Variants in MAST1 observed in about 807,000 individuals in gnomAD.
MAST1 encodes microtubule-associated serine/threonine-protein kinase 1.
Under a neutral mutation model 124.6 loss-of-function variants are expected in MAST1, and 40 were observed. That is an observed-to-expected ratio of 0.32 (90% CI 0.25 to 0.42). MAST1 has a LOEUF of 0.42. Ranked by LOEUF, MAST1 falls within the 10% of genes least tolerant of loss-of-function variation. MAST1 has a pLI of 1.00. For synonymous variants in MAST1, 938 were observed against 939.4 expected (o/e 1.00, Z 0.03); for missense variants, 1,558 against 2,181.9 (o/e 0.71, Z 5.70).
Position 12,838,879 on chromosome 19 carries a change from G to A in MAST1, c.83+224G>A, listed in dbSNP as rs981388928. Among the ~76,000 whole-genome samples the A allele has an allele frequency of 1.4e-4, 21 of 151,552 alleles. No individual in the cohort carries two copies. The highest frequency in any genetic ancestry group is 4.8e-4 in the African/African-American group (20 of 41,242). On this transcript the variant is annotated intron_variant, in intron 1 of 25. Coordinates refer to ENST00000251472, the MANE Select transcript of MAST1 (RefSeq NM_014975.3). The surrounding 1 kb of genome is among the most constrained non-coding windows in gnomAD (Gnocchi z 4.3). ...GACGGCCGCGGGGGGAGGGGGCTGCGCCACTGGGGGTTTGTGGCGCCTTTG... is the reference window on the plus strand; with the variant it reads ...GACGGCCGCGGGGGGAGGGGGCTGCACCACTGGGGGTTTGTGGCGCCTTTG...
intron 12 of MAST1, among the ~76,000 whole-genome samples, chr19:12,863,486 C>T (rs1201207270): frequency 6.6e-6 from 1 of 152,156 alleles, no homozygotes; most frequent in African/African-American, 2.4e-5. Context: ...CCAATATTAC[C>T]TTCAGGAATG....
At chr19:12,851,666 A>T (rs1428167884) in intron 7 of MAST1, among the ~76,000 whole-genome samples, 1 of 151,936 alleles carries the variant, frequency 6.6e-6, no homozygotes, top group Non-Finnish European at 1.5e-5. Context: ...TTGCGTTTTT[A>T]GTGGAGATGG....
Position 12,873,943 on chromosome 19 carries a change from G to C in MAST1, c.3786G>C (p.Lys1262Asn), listed in dbSNP as rs1439835558. 1 of 1,594,348 alleles carries C rather than the reference G, an allele frequency of 6.3e-7. No individual in the cohort carries two copies. The highest frequency in any genetic ancestry group is 1.7e-5 in the Admixed American group (1 of 58,950). ...SAEPPRSPLL[K>N]RVQSAEKLGA... The stretch of plus-strand genomic sequence containing the variant: ...AGCCCCCTCGCTCGCCGCTCCTCAA[G>C]CGCGTGCAGTCGGCCGAGAAGCTGG... The change falls in exon 26 of 26, where the codon AAG becomes AAC. Residue 1262 changes from lysine to asparagine, a missense_variant. Physicochemically the swap from Lys to Asn is moderately conservative, Grantham distance 94. Around this residue, in one of 10 missense-constraint regions of MAST1, gnomAD observed 263 missense variants for 310.9 expected, o/e 0.85. Transcript: ENST00000251472.
intron 22 of MAST1, 129 bp from the exon 23 acceptor site, chr19:12,870,695 A>G: frequency 1.0e-6 from 1 of 996,438 alleles, no homozygotes; most frequent in South Asian, 2.7e-5. Context: ...GGGGAGGAAT[A>G]ATAACTATTT....
In MAST1 at chr19:12,865,372, C is replaced by T. The variant is rs1282204427; in HGVS notation, c.1695C>T (p.Gly565=). 1 of 1,611,726 alleles carries T rather than the reference C, an allele frequency of 6.2e-7. No homozygotes were observed. The highest frequency in any genetic ancestry group is 2.2e-5 in the East Asian group (1 of 44,888). The change falls in exon 15 of 26, where the codon GGC becomes GGT. Residue 565 remains glycine, a synonymous_variant. Transcript: ENST00000251472. The surrounding 1 kb of genome is among the most constrained non-coding windows in gnomAD (Gnocchi z 7.1). ...AGGTCATCCTGCGTCAAGGCTACGG[C>T]AAGCCAGTGGACTGGTGGGCTATGG... ...APEVILRQGY[G]KPVDWWAMGI...
intron 1 of MAST1, 100 bp from the exon 2 acceptor site, chr19:12,840,346 G>T: frequency 2.6e-6 from 2 of 757,570 alleles, no homozygotes; most frequent in African/African-American, 3.4e-5. Flanking sequence ...CACATGGATG[G>T]GAGATAGGCG....
rs1969853593 is a variant in MAST1 at position 12,843,309 on chromosome 19, T to TGGGGA, written c.249-217_249-213dup. 6.6e-6 allele frequency among the ~76,000 whole-genome samples: 1 copy of TGGGGA among 151,940 alleles called. No individual in the cohort carries two copies. Among genetic ancestry groups the TGGGGA allele is most frequent in the African/African-American group, 2.4e-5 (1 of 41,370 alleles). On this transcript the variant is annotated intron_variant, in intron 3 of 25. Coordinates refer to ENST00000251472, the MANE Select transcript of MAST1 (RefSeq NM_014975.3). The surrounding 1 kb of genome is among the most constrained non-coding windows in gnomAD (Gnocchi z 4.9). ...CTCTGAATGATAAGAGAGGGGACCG[T>TGGGGA]GGGGAGGAGAGTGGAGACGGATCCT...
chr19:12,865,645 G>T lies in MAST1; in HGVS notation c.1805-72G>T. On this transcript the variant is annotated intron_variant, in intron 15 of 25. Coordinates refer to ENST00000251472, the MANE Select transcript of MAST1 (RefSeq NM_014975.3). The surrounding 1 kb of genome is among the most constrained non-coding windows in gnomAD (Gnocchi z 7.1). ...TCGTGCCACTGCACTCCAGCTGGGT[G>T]ACACAGTGAGATCCTGTGTCCAAAC... 1 of 1,468,246 alleles carries T rather than the reference G, an allele frequency of 6.8e-7. No individual in the cohort carries two copies. The highest frequency in any genetic ancestry group is 1.2e-5 in the South Asian group (1 of 80,298). 91.0% of individuals were successfully genotyped at this position (1,468,246 alleles called of 1,614,324 possible). A position where few individuals can be genotyped will look rare whatever the true frequency, so the allele number is the denominator to read the frequency against.
At chr19:12,861,684 T>C (rs545067300) in intron 12 of MAST1, among the ~76,000 whole-genome samples, 3 of 52,416 alleles carry the variant, frequency 5.7e-5, no homozygotes, top group Non-Finnish European at 7.2e-5. Context: ...TTTTCTCTCT[T>C]TCTTTCTTTC....
intron 7 of MAST1, among the ~76,000 whole-genome samples, chr19:12,850,925 T>C (rs1332246726): frequency 6.6e-6 from 1 of 151,310 alleles, no homozygotes; most frequent in African/African-American, 2.4e-5. Flanking sequence ...TTTCAAGTAT[T>C]GCAATAAGAT....
At chr19:12,871,215 G>A in intron 24 of MAST1, 43 bp downstream of exon 24, 10 of 1,611,584 alleles carry the variant, frequency 6.2e-6, no homozygotes, top group South Asian at 3.3e-5. Flanking sequence ...GCAGTGGGTG[G>A]AACTTAGGCG....
intron 12 of MAST1, among the ~76,000 whole-genome samples, chr19:12,859,205 G>A (rs772210479): frequency 1.3e-5 from 2 of 151,876 alleles, no homozygotes; most frequent in Non-Finnish European, 2.9e-5. Flanking sequence ...TCAGCCTCCC[G>A]AGTAGCTGGG....
intron 24 of MAST1, 98 bp downstream of exon 24, chr19:12,871,270 G>A: frequency 1.3e-6 from 2 of 1,535,232 alleles, no homozygotes; most frequent in Non-Finnish European, 1.8e-6. Flanking sequence ...CACGGGAAAG[G>A]TGGCGGGAAC....
chr19:12,857,170 G>A (rs1352316835), intron 10 of MAST1, among the ~76,000 whole-genome samples: 1 of 151,890 alleles, frequency 6.6e-6, no homozygotes, highest in Non-Finnish European at 1.5e-5. Flanking sequence ...CACAACCTCT[G>A]CCTCCTGGGT....
intron 20 of MAST1, 99 bp downstream of exon 20, chr19:12,868,076 C>A: frequency 8.0e-6 from 9 of 1,127,114 alleles, no homozygotes; most frequent in Non-Finnish European, 9.6e-6. Flanking sequence ...TGAAAGATCT[C>A]AGGTCCTATT....
At position 12,874,831 on chromosome 19, in the gene MAST1, CA is replaced by C; in HGVS notation, c.4680del (p.Gly1561GlufsTer30). The C allele has an allele frequency of 6.3e-7, 1 of 1,598,348 alleles. No individual in the cohort carries two copies. Among genetic ancestry groups the C allele is most frequent in the Non-Finnish European group, 8.5e-7 (1 of 1,170,846 alleles). ...AEAVPPAGLT[K>X]KGVSSPAPPG... is the part of the protein sequence containing the mutation. ...AAGCTGTGCCCCCAGCAGGCCTGACCAAAAAAGGAGTGTCCAGTCCCGCACC... is the reference window on the plus strand; with the variant it reads ...AAGCTGTGCCCCCAGCAGGCCTGACCAAAAAGGAGTGTCCAGTCCCGCACC... On this transcript the variant is annotated frameshift_variant, in exon 26 of 26. Transcript: ENST00000251472. LOFTEE classifies it high-confidence loss of function. The surrounding 1 kb of genome is among the most constrained non-coding windows in gnomAD (Gnocchi z 6.6).
rs1342774889 is a variant in MAST1, at chr19:12,866,047, G to A, written c.1974G>A (p.Gln658=). The change falls in exon 17 of 26, where the codon CAG becomes CAA. Residue 658 remains glutamine (Q), a synonymous_variant. Coordinates refer to ENST00000251472, the MANE Select transcript of MAST1 (RefSeq NM_014975.3). The surrounding 1 kb of genome is among the most constrained non-coding windows in gnomAD (Gnocchi z 5.2). The part of the protein sequence containing the change: ...RDLDWTGLLR[Q]KAEFIPHLES... ...TGGACTGGACAGGGCTGCTGAGGCA[G>A]AAGGCCGAGTTCATCCCCCACCTAG... 1 of 1,614,072 alleles carries A rather than the reference G, an allele frequency of 6.2e-7. No homozygotes were observed. The highest frequency in any genetic ancestry group is 1.3e-5 in the African/African-American group (1 of 74,956).
chr19:12,858,006 C>CAAAAAAAAAAAAAAAAAAAAA (rs539497049), intron 10 of MAST1, among the ~76,000 whole-genome samples: 1 of 49,446 alleles, frequency 2.0e-5, no homozygotes, highest in African/African-American at 5.6e-5. Flanking sequence ...GAACCTATCT[C>CAAAAAAAAAAAAAAAAAAAAA]AAAAAAAAAA....
rs568466195 is a variant in MAST1 at position 12,865,643 on chromosome 19, G to A, written c.1805-74G>A. 2.3e-4 allele frequency: 330 copies of A among 1,456,938 alleles called. 1 individual carries two copies. Among genetic ancestry groups the A allele is most frequent in the Middle Eastern group, 8.9e-4 (5 of 5,618 alleles). The allele number at this position is 1,456,938 out of a possible 1,614,324, so 90.3% of individuals were successfully genotyped here. A position where few individuals can be genotyped will look rare whatever the true frequency, so the allele number is the denominator to read the frequency against. On this transcript the variant is annotated intron_variant, in intron 15 of 25. Coordinates refer to ENST00000251472, the MANE Select transcript of MAST1 (RefSeq NM_014975.3). The surrounding 1 kb of genome is among the most constrained non-coding windows in gnomAD (Gnocchi z 7.1). ...GATCGTGCCACTGCACTCCAGCTGG[G>A]TGACACAGTGAGATCCTGTGTCCAA... is the stretch of plus-strand genomic sequence containing the variant.
Sources: gnomAD v4.1 joint callset for allele counts (sites outside exome capture counted in the v4.1 genomes callset) on GRCh38, gnomAD v4.1.1 for gene constraint, gnomAD v4.1.1 regional missense constraint, Gnocchi (gnomAD v3.1) non-coding constraint, MANE v1.5 for transcripts, NCBI Gene and HGNC (gene_info 2026-07-23, HGNC 2026-07-21) for gene names.